The following FOXP4 variants were observed in gnomAD, a reference collection of about 807,000 sequenced individuals.
FOXP4 encodes the protein forkhead box P4, also known as forkhead box protein P4.
A neutral mutation model predicts 82.6 loss-of-function variants in FOXP4; 25 were observed. The observed-to-expected ratio is 0.30, with a 90% CI of 0.22 to 0.42. FOXP4 has a LOEUF of 0.42. Ranked by LOEUF, FOXP4 falls within the 10% of genes least tolerant of loss-of-function variation. FOXP4 has a pLI of 1.00. For missense variants in FOXP4, 785 were observed against 900.9 expected, an observed-to-expected ratio of 0.87 and a Z score of 1.65; for synonymous variants, 415 against 388.2, an observed-to-expected ratio of 1.07 and a Z score of -0.81.
chr6:41,587,889 G>C lies in FOXP4; in HGVS notation c.969G>C (p.Gln323His). The change falls in exon 8 of 17, where the codon CAG becomes CAC. Residue 323 changes from glutamine (Q) to histidine (H), a missense_variant. Gln to His is a conservative substitution (Grantham distance 24, BLOSUM62 0). Coordinates refer to ENST00000307972, the MANE Select transcript of FOXP4 (RefSeq NM_001012426.2). ...GCETLCEDLG[Q>H]FIKHLNTEHA... Reference sequence around the variant, plus strand: ...AGACCCTGTGTGAAGACCTGGGCCAGTTTATCAAGTAGGTGTCACCCCCAG... The same window carrying C: ...AGACCCTGTGTGAAGACCTGGGCCACTTTATCAAGTAGGTGTCACCCCCAG... The C allele has an allele frequency of 6.4e-7, 1 of 1,554,238 alleles. No individual in the cohort carries two copies. Among genetic ancestry groups the C allele is most frequent in the Non-Finnish European group, 8.7e-7 (1 of 1,147,168 alleles).
chr6:41,594,795 G>A, intron 13 of FOXP4, 75 bp from the exon 14 acceptor site: 2 of 1,590,298 alleles, frequency 1.3e-6, no homozygotes, highest in Non-Finnish European at 8.6e-7. Context: ...GTGGGACATG[G>A]GATGGGATGA....
At chr6:41,554,600 C>T (rs1247272878) in intron 1 of FOXP4, among the ~76,000 whole-genome samples, 1 of 152,226 alleles carries the variant, frequency 6.6e-6, no homozygotes, top group Non-Finnish European at 1.5e-5. Flanking sequence ...TGGCTCATGC[C>T]TGTAGTCCCA....
chr6:41,555,449 A>G (rs1325471656), intron 1 of FOXP4, among the ~76,000 whole-genome samples: 1 of 152,194 alleles, frequency 6.6e-6, no homozygotes, highest in African/African-American at 2.4e-5. Flanking sequence ...GGGAGGGGCC[A>G]AGGCATGTCG....
intron 13 of FOXP4, 79 bp from the exon 14 acceptor site, chr6:41,594,791 C>T (rs1324314867): frequency 1.3e-6 from 2 of 1,584,790 alleles, no homozygotes; most frequent in African/African-American, 1.3e-5. Context: ...CTGCGTGGGA[C>T]ATGGGATGGG....
At chr6:41,571,559 G>A (rs1406240193) in intron 2 of FOXP4, among the ~76,000 whole-genome samples, 1 of 152,188 alleles carries the variant, frequency 6.6e-6, no homozygotes, top group East Asian at 1.9e-4. Flanking sequence ...CCACCCACGT[G>A]GGCCTGTCTG....
At chr6:41,561,028 C>T (rs1018887589) in intron 1 of FOXP4, among the ~76,000 whole-genome samples, 1 of 152,224 alleles carries the variant, frequency 6.6e-6, no homozygotes, top group Non-Finnish European at 1.5e-5. Context: ...CCAAGGGCGT[C>T]CCTCGTTGCG....
chr6:41,555,940 C>CT (rs988399313), intron 1 of FOXP4, among the ~76,000 whole-genome samples: 1 of 152,042 alleles, frequency 6.6e-6, no homozygotes, highest in East Asian at 1.9e-4. Flanking sequence ...GGTTCTCTTT[C>CT]TTTTTTTCCC....
chr6:41,569,340 C>T (rs888283298), intron 2 of FOXP4, among the ~76,000 whole-genome samples: 1 of 152,260 alleles, frequency 6.6e-6, no homozygotes, highest in African/African-American at 2.4e-5. Context: ...ACCCGTGGCC[C>T]ATCCGTCCCC....
chr6:41,590,595 C>T (rs563826758), intron 12 of FOXP4, among the ~76,000 whole-genome samples: 1 of 152,294 alleles, frequency 6.6e-6, no homozygotes, highest in South Asian at 2.1e-4. Context: ...CCCACCGTGG[C>T]ATTCATGTGC....
Position 41,565,925 on chromosome 6 carries a change from G to C in FOXP4, c.165G>C (p.Glu55Asp), listed in dbSNP as rs1177676274. 4.3e-6 allele frequency: 7 copies of C among 1,614,018 alleles called. No homozygotes were observed. The South Asian group carries it at 7.7e-5, about 18-fold the overall frequency. ...EVTTGADSNGEMSPAELLHFQ... is the reference protein window; with the variant it reads ...EVTTGADSNGDMSPAELLHFQ... ...CCACGGGTGCAGACAGCAATGGTGAGATGAGTCCCGCAGAGCTGCTGCACT... is the reference window on the plus strand; with the variant it reads ...CCACGGGTGCAGACAGCAATGGTGACATGAGTCCCGCAGAGCTGCTGCACT... The change falls in exon 2 of 17, where the codon GAG (glutamate) becomes GAC (aspartate). Residue 55 changes from glutamate to aspartate, a missense_variant. Glu to Asp is a conservative substitution (Grantham distance 45). Coordinates refer to ENST00000307972, the MANE Select transcript of FOXP4 (RefSeq NM_001012426.2).
In FOXP4 at chr6:41,587,196, A is replaced by C. The variant is rs553697003; in HGVS notation, c.658+40A>C. On this transcript the variant is annotated intron_variant, in intron 6 of 16. Transcript: ENST00000307972. The stretch of plus-strand genomic sequence containing the variant: ...CTCCTCCCCTCCCAGCCCCAACCCC[A>C]CAGCCCTGCCTGTACGCAACAGCTG... The C allele has an allele frequency of 6.2e-6, 10 of 1,608,842 alleles. No individual in the cohort carries two copies. In the African/African-American group the frequency reaches 1.2e-4, roughly 19 times the overall value.
At chr6:41,584,459 A>G (rs1483023566) in intron 3 of FOXP4, among the ~76,000 whole-genome samples, 1 of 152,258 alleles carries the variant, frequency 6.6e-6, no homozygotes, top group African/African-American at 2.4e-5. Flanking sequence ...AGCCCGTCCT[A>G]TGATAATAGC....
At chr6:41,553,287 T>C (rs1764098838) in intron 1 of FOXP4, among the ~76,000 whole-genome samples, 1 of 152,164 alleles carries the variant, frequency 6.6e-6, no homozygotes, top group Admixed American at 6.5e-5. Flanking sequence ...AGAAATTAAT[T>C]TGATGCCTCA....
intron 1 of FOXP4, among the ~76,000 whole-genome samples, chr6:41,560,947 C>G (rs1324632567): frequency 6.6e-6 from 1 of 152,202 alleles, no homozygotes; most frequent in African/African-American, 2.4e-5. Context: ...GTGGGTCCCC[C>G]CTTTGGCCCC....
chr6:41,565,059 G>A (rs1465591444), intron 1 of FOXP4, among the ~76,000 whole-genome samples: 1 of 152,174 alleles, frequency 6.6e-6, no homozygotes, highest in African/African-American at 2.4e-5. Flanking sequence ...GTAGGTTTAA[G>A]ACCCAGACGG....
intron 1 of FOXP4, among the ~76,000 whole-genome samples, chr6:41,563,417 C>G (rs762672428): frequency 6.6e-6 from 1 of 152,168 alleles, no homozygotes; most frequent in Non-Finnish European, 1.5e-5. Context: ...AATCACAGTC[C>G]AGTCTCTTTC....
intron 1 of FOXP4, among the ~76,000 whole-genome samples, chr6:41,562,927 A>T (rs940760136): frequency 6.6e-6 from 1 of 152,154 alleles, no homozygotes; most frequent in Admixed American, 6.5e-5. Flanking sequence ...TGGCAAGTGG[A>T]GGATGGTGCC....
At chr6:41,561,120 G>A (rs1038777885) in intron 1 of FOXP4, among the ~76,000 whole-genome samples, 6 of 152,238 alleles carry the variant, frequency 3.9e-5, no homozygotes, top group Non-Finnish European at 5.9e-5. Context: ...CTGCCTCAGA[G>A]CGGAAGAGGC....
chr6:41,590,207 G>C (rs9471604), intron 11 of FOXP4, 37 bp downstream of exon 11: 2 of 1,608,176 alleles, frequency 1.2e-6, no homozygotes, highest in Non-Finnish European at 1.7e-6. Context: ...CGACAGCAGC[G>C]TGAGGCTGTT....
Sources: gnomAD v4.1 joint callset for allele counts (sites outside exome capture counted in the v4.1 genomes callset) on GRCh38, gnomAD v4.1.1 for gene constraint, MANE v1.5 for transcripts, NCBI Gene and HGNC (gene_info 2026-07-23, HGNC 2026-07-21) for gene names.